NEO1: variants seen among roughly 807,000 people sequenced by gnomAD.
NEO1 encodes neogenin 1, also known as neogenin.
In NEO1, 63 loss-of-function variants were observed where a neutral mutation model predicts 159.7. The observed-to-expected ratio is 0.39, with a 90% CI of 0.32 to 0.49. NEO1 has a LOEUF of 0.49. Ranked by LOEUF, NEO1 falls within the 20% of genes least tolerant of loss-of-function variation. NEO1 has a pLI of 0.85. For missense variants in NEO1, 1,615 were observed against 1,831.0 expected, an observed-to-expected ratio of 0.88 and a Z score of 2.15; for synonymous variants, 633 against 662.0, an observed-to-expected ratio of 0.96 and a Z score of 0.67.
chr15:73,271,193 T>G (rs1369716663), intron 18 of NEO1, among the ~76,000 whole-genome samples: 1 of 152,256 alleles, frequency 6.6e-6, no homozygotes, highest in Non-Finnish European at 1.5e-5. Flanking sequence ...TTTGAAGAGT[T>G]AGAAATACAG....
intron 7 of NEO1, among the ~76,000 whole-genome samples, chr15:73,236,115 C>T (rs757283495): frequency 6.6e-6 from 1 of 152,112 alleles, no homozygotes; most frequent in Non-Finnish European, 1.5e-5. Flanking sequence ...CAGTAGTTAC[C>T]CTGGCCTGCA....
intron 15 of NEO1, among the ~76,000 whole-genome samples, chr15:73,263,765 CA>C (rs112237153): frequency 4.7e-5 from 7 of 150,478 alleles, no homozygotes; most frequent in Admixed American, 2.0e-4. Flanking sequence ...TTTAAATATT[CA>C]AAAAAAAAGT....
chr15:73,095,375 C>T (rs1180421731), intron 1 of NEO1, among the ~76,000 whole-genome samples: 1 of 152,074 alleles, frequency 6.6e-6, no homozygotes, highest in African/African-American at 2.4e-5. Context: ...GCCTGAAAAG[C>T]CTAACATATT....
chr15:73,074,747 G>T (rs1222258191), intron 1 of NEO1, among the ~76,000 whole-genome samples: 1 of 152,064 alleles, frequency 6.6e-6, no homozygotes, highest in African/African-American at 2.4e-5. Flanking sequence ...TCCCCTTTCT[G>T]TCAGTCTTAC....
Position 73,302,981 on chromosome 15 carries a change from A to G in NEO1, c.*285A>G. The G allele has an allele frequency of 2.8e-6, 1 of 362,018 alleles. No individual in the cohort carries two copies. Among genetic ancestry groups the G allele is most frequent in the South Asian group, 4.0e-5 (1 of 24,864 alleles). The allele number at this position is 362,018 out of a possible 1,614,324, so 22.4% of individuals were successfully genotyped here. ...TTTTGTGTCCAGGGAAGAGGCGAGA[A>G]GTGCAACCTGCATTTCACTTTGTGG... On this transcript the variant is annotated 3_prime_UTR_variant, in exon 29 of 29. Coordinates refer to ENST00000261908, the MANE Select transcript of NEO1 (RefSeq NM_002499.4).
chr15:73,270,430 G>A lies in NEO1; in HGVS notation c.2833G>A (p.Ala945Thr). ...AAGATCAAGTACATGGAGTATGACA[G>A]CCCATGGGACCACCTTTGAATTAGG... Reference protein sequence around the residue: ...GRRSSTWSMTAHGTTFELVPT... With the variant: ...GRRSSTWSMTTHGTTFELVPT... The change falls in exon 18 of 29, where the codon GCC becomes ACC. Residue 945 changes from alanine (A) to threonine (T), a missense_variant. This residue lies in a region of NEO1 where 126 missense variants were observed against 216.7 expected (regional missense o/e 0.58). Coordinates refer to ENST00000261908, the MANE Select transcript of NEO1 (RefSeq NM_002499.4). 1 of 1,613,576 alleles carries A rather than the reference G, an allele frequency of 6.2e-7. No individual in the cohort carries two copies. Among genetic ancestry groups the A allele is most frequent in the Non-Finnish European group, 8.5e-7 (1 of 1,179,956 alleles).
rs115806061 is a variant in NEO1 at position 73,227,727 on chromosome 15, A to C, written c.1292-8620A>C. ...AGATTTCCCAGTGGCCTTTGGCTTG[A>C]TTCAGATTTACATGGTGTTTACATA... On this transcript the variant is annotated intron_variant, in intron 7 of 28. Transcript: ENST00000261908. Among the ~76,000 whole-genome samples the C allele has an allele frequency of 2.2e-3, 336 of 152,340 alleles. 1 individual carries two copies. Among genetic ancestry groups the C allele is most frequent in the African/African-American group, 7.7e-3 (321 of 41,580 alleles).
At chr15:73,072,672 A>C (rs141693277) in intron 1 of NEO1, among the ~76,000 whole-genome samples, 74 of 152,296 alleles carry the variant, frequency 4.9e-4, no homozygotes, top group Admixed American at 7.2e-4. Flanking sequence ...AGTGACCATC[A>C]TAATACATGA....
intron 1 of NEO1, among the ~76,000 whole-genome samples, chr15:73,097,976 G>A (rs571319943): frequency 3.8e-4 from 57 of 151,848 alleles, no homozygotes; most frequent in African/African-American, 1.3e-3. Flanking sequence ...AAGGCTAAAA[G>A]ATTATACTTT....
At chr15:73,173,617 A>G (rs1304099654) in intron 5 of NEO1, among the ~76,000 whole-genome samples, 4 of 152,218 alleles carry the variant, frequency 2.6e-5, no homozygotes, top group African/African-American at 9.6e-5. Flanking sequence ...TGAAATACAG[A>G]TGCTAAAATG....
At chr15:73,259,953 T>C (rs2040543584) in intron 14 of NEO1, among the ~76,000 whole-genome samples, 1 of 152,200 alleles carries the variant, frequency 6.6e-6, no homozygotes, top group Non-Finnish European at 1.5e-5. Context: ...AGAGAGATGG[T>C]AACTATTGAA....
chr15:73,136,152 G>A, intron 5 of NEO1, 125 bp downstream of exon 5: 1 of 658,910 alleles, frequency 1.5e-6, no homozygotes. Flanking sequence ...TCCTAGACCA[G>A]ACTGCTTGGG....
intron 13 of NEO1, among the ~76,000 whole-genome samples, chr15:73,256,359 G>A (rs1382613793): frequency 1.3e-5 from 2 of 152,092 alleles, no homozygotes; most frequent in Non-Finnish European, 2.9e-5. Context: ...AATTAGCTGG[G>A]TGTGGTGGCA....
chr15:73,295,387 T>C (rs2042323785), intron 26 of NEO1, among the ~76,000 whole-genome samples: 1 of 151,764 alleles, frequency 6.6e-6, no homozygotes, highest in African/African-American at 2.4e-5. Context: ...TCTCACATGC[T>C]AGGATGTGGT....
chr15:73,204,610 C>T (rs906279168), intron 7 of NEO1, among the ~76,000 whole-genome samples: 7 of 151,966 alleles, frequency 4.6e-5, no homozygotes, highest in African/African-American at 1.7e-4. Context: ...TGTAGAATTC[C>T]TTTTGATTCT....
At chr15:73,151,988 A>G (rs960573312) in intron 5 of NEO1, among the ~76,000 whole-genome samples, 1 of 152,224 alleles carries the variant, frequency 6.6e-6, no homozygotes, top group African/African-American at 2.4e-5. Flanking sequence ...TTTAGTAAAT[A>G]ATTGAATTTG....
chr15:73,242,706 T>TTAA (rs2039556916), intron 8 of NEO1, among the ~76,000 whole-genome samples: 1 of 151,974 alleles, frequency 6.6e-6, no homozygotes, highest in South Asian at 2.1e-4. Flanking sequence ...GAGAAACTAT[T>TTAA]TATTGTACAT....
At chr15:73,213,734 A>G (rs1210761773) in intron 7 of NEO1, among the ~76,000 whole-genome samples, 1 of 152,194 alleles carries the variant, frequency 6.6e-6, no homozygotes, top group Admixed American at 6.5e-5. Flanking sequence ...AAACGTGCAC[A>G]TGAAAGTATC....
chr15:73,227,373 A>G (rs1254190755), intron 7 of NEO1, among the ~76,000 whole-genome samples: 2 of 152,060 alleles, frequency 1.3e-5, no homozygotes, highest in South Asian at 2.1e-4. Flanking sequence ...GCGCATGCCT[A>G]TAATCCCAGC....
Sources: gnomAD v4.1 joint callset for allele counts (sites outside exome capture counted in the v4.1 genomes callset) on GRCh38, gnomAD v4.1.1 for gene constraint, gnomAD v4.1.1 regional missense constraint, MANE v1.5 for transcripts, NCBI Gene and HGNC (gene_info 2026-07-23, HGNC 2026-07-21) for gene names.